The following CATSPERG variants were observed in gnomAD, a reference collection of about 807,000 sequenced individuals.
The protein encoded by CATSPERG is catsper channel auxiliary subunit gamma, also known as cation channel sperm-associated auxiliary subunit gamma.
Under a neutral mutation model 145.0 loss-of-function variants are expected in CATSPERG, and 115 were observed. The observed-to-expected ratio is 0.79, with a 90% confidence interval of 0.68 to 0.93. The LOEUF (loss-of-function observed/expected upper bound fraction) is 0.93. CATSPERG is among the 40% of genes least tolerant of loss of function. The pLI is 0.00. For missense variants in CATSPERG, 1,296 were observed against 1,490.1 expected (o/e 0.87, Z 2.14); for synonymous variants, 588 against 589.0 (o/e 1.00, Z 0.02).
At chr19:38,367,029 G>A (rs1600485846) in intron 22 of CATSPERG, 127 bp from the exon 23 acceptor site, 2 of 808,640 alleles carry the variant, frequency 2.5e-6, no homozygotes, top group East Asian at 2.7e-5. Flanking sequence ...TGCCCTTGGG[G>A]GTGAGGGAGA....
At chr19:38,362,002 C>CAGGGGGGGGG in intron 17 of CATSPERG, 141 bp downstream of exon 17, 4 of 186,496 alleles carry the variant, frequency 2.1e-5, no homozygotes, top group East Asian at 9.7e-5. Flanking sequence ...GACCTGGGGG[C>CAGGGGGGGGG]GGGGCCTGGC....
At chr19:38,367,035 G>A (rs1452785426) in intron 22 of CATSPERG, 121 bp from the exon 23 acceptor site, 2 of 887,806 alleles carry the variant, frequency 2.3e-6, no homozygotes, top group African/African-American at 3.4e-5. Context: ...TGGGGGTGAG[G>A]GAGAGCCAGG....
chr19:38,344,488 A>C, intron 6 of CATSPERG, 120 bp downstream of exon 6: 1 of 819,106 alleles, frequency 1.2e-6, no homozygotes, highest in Non-Finnish European at 2.1e-6. Context: ...CAGGCCCCAC[A>C]TGAAGATCCC....
At position 38,362,490 on chromosome 19, in the gene CATSPERG, A is replaced by C. The variant is rs957475385; in HGVS notation, c.2272A>C (p.Ile758Leu). 56 of 1,613,784 alleles carry C rather than the reference A, an allele frequency of 3.5e-5. No homozygotes were observed. Among genetic ancestry groups the C allele is most frequent in the Non-Finnish European group, 4.7e-5 (56 of 1,180,034 alleles). ...LESAYELPER[I>L]FLDKGTEYSF... Reference sequence around the variant, plus strand: ...GTCCGCGTACGAGCTGCCGGAGCGCATTTTCCTGGACAAGGGCACTGAGTA... The same window carrying C: ...GTCCGCGTACGAGCTGCCGGAGCGCCTTTTCCTGGACAAGGGCACTGAGTA... Residue 758 changes from isoleucine (I) to leucine (L), a missense_variant, in exon 19 of 29, where the codon ATT (isoleucine) becomes CTT (leucine). Coordinates refer to ENST00000409235, the MANE Select transcript of CATSPERG (RefSeq NM_021185.5).
At chr19:38,365,414 G>A (rs1358682709) in intron 22 of CATSPERG, 2 of 320,248 alleles carry the variant, frequency 6.2e-6, no homozygotes, top group Non-Finnish European at 1.2e-5. Context: ...GGGATTATAG[G>A]CGCCCGCCAC....
Position 38,346,739 on chromosome 19 carries a change from G to A in CATSPERG, c.825+134G>A, listed in dbSNP as rs1049672955. 4 of 804,402 alleles carry A rather than the reference G, an allele frequency of 5.0e-6. No individual in the cohort carries two copies. In the African/African-American group the frequency reaches 5.3e-5, roughly 11 times the overall value. 49.8% of individuals were successfully genotyped at this position (804,402 alleles called of 1,614,324 possible). A position where few individuals can be genotyped will look rare whatever the true frequency, so the allele number is the denominator to read the frequency against. On this transcript the variant is annotated intron_variant, in intron 7 of 28. Transcript: ENST00000409235. The stretch of plus-strand genomic sequence containing the variant: ...TGTCCCCATGAGAGGCAGATAGCAT[G>A]AAGAAAAAACACAAGATTCTACAGC...
intron 22 of CATSPERG, chr19:38,366,763 C>T (rs1970456973): frequency 1.2e-5 from 2 of 169,594 alleles, no homozygotes; most frequent in Non-Finnish European, 2.5e-5. Flanking sequence ...TGCAGTGGTG[C>T]AGTCTTGGCC....
intron 13 of CATSPERG, among the ~76,000 whole-genome samples, chr19:38,358,766 T>C (rs1970292749): frequency 6.6e-6 from 1 of 152,178 alleles, no homozygotes; most frequent in South Asian, 2.1e-4. Context: ...TTTAAAGCTG[T>C]GGGAGCCCTT....
At position 38,360,351 on chromosome 19, in the gene CATSPERG, G is replaced by A; in HGVS notation, c.1609-138G>A. On this transcript the variant is annotated intron_variant, in intron 14 of 28. Transcript: ENST00000409235. ...GGCACCACAGAGAAAAGGAAGGGGA[G>A]CGCCCTTGGTCCCAGTGGAGGTGAG... The A allele has an allele frequency of 2.1e-6, 3 of 1,448,918 alleles. No individual in the cohort carries two copies. In the South Asian group the frequency reaches 4.3e-5, roughly 21 times the overall value. The allele number at this position is 1,448,918 out of a possible 1,614,324, so 89.8% of individuals were successfully genotyped here.
intron 3 of CATSPERG, among the ~76,000 whole-genome samples, chr19:38,340,629 A>G (rs1600442670): frequency 6.8e-6 from 1 of 147,944 alleles, no homozygotes; most frequent in East Asian, 2.0e-4. Context: ...CAATAATTTT[A>G]TTTTTTTAGA....
At chr19:38,361,521 C>T (rs1310756148) in intron 16 of CATSPERG, 127 bp from the exon 17 acceptor site, 1 of 750,052 alleles carries the variant, frequency 1.3e-6, no homozygotes, top group Non-Finnish European at 2.2e-6. Flanking sequence ...CAGGGGCTGA[C>T]GCTGAGGAGG....
chr19:38,362,430 G>C lies in CATSPERG; in HGVS notation c.2212G>C (p.Glu738Gln). 3 of 1,614,096 alleles carry C rather than the reference G, an allele frequency of 1.9e-6. No homozygotes were observed. The highest frequency in any genetic ancestry group is 2.7e-5 in the African/African-American group (2 of 75,052). Residue 738 changes from glutamate to glutamine, a missense_variant, in exon 19 of 29, where the codon GAA becomes CAA. Physicochemically the swap from Glu to Gln is conservative, Grantham distance 29. Transcript: ENST00000409235. ...NWRSAGGVSI[E>Q]MDSYEKIYNL... Reference sequence around the variant, plus strand: ...GCGAAGCGCGGGCGGCGTGTCCATAGAAATGGACAGCTACGAAAAGATCTA... The same window carrying C: ...GCGAAGCGCGGGCGGCGTGTCCATACAAATGGACAGCTACGAAAAGATCTA...
chr19:38,345,200 TCTC>T (rs1390866133), intron 6 of CATSPERG, among the ~76,000 whole-genome samples: 2 of 151,048 alleles, frequency 1.3e-5, no homozygotes, highest in Non-Finnish European at 2.9e-5. Context: ...TTCAAGCAAT[TCTC>T]CTGCCTCAGC....
chr19:38,368,026 G>C, intron 25 of CATSPERG, 22 bp from the exon 26 acceptor site: 2 of 1,612,050 alleles, frequency 1.2e-6, no homozygotes, highest in Non-Finnish European at 1.7e-6. Flanking sequence ...ACCCCTGGCT[G>C]AGATGACCTG....
At chr19:38,354,681 G>C in intron 8 of CATSPERG, 29 bp from the exon 9 acceptor site, 1 of 1,611,260 alleles carries the variant, frequency 6.2e-7, no homozygotes, top group East Asian at 2.2e-5. Context: ...CAACCACCTG[G>C]GTCTGAGGCC....
chr19:38,351,731 A>C (rs192588938), intron 7 of CATSPERG, among the ~76,000 whole-genome samples: 47 of 151,778 alleles, frequency 3.1e-4, no homozygotes, highest in Admixed American at 1.4e-3. Flanking sequence ...ACATAGCGAG[A>C]CCTCACCTCT....
At chr19:38,360,161 AAG>A in intron 14 of CATSPERG, 1 of 985,320 alleles carries the variant, frequency 1.0e-6, no homozygotes, top group Non-Finnish European at 1.2e-6. Flanking sequence ...GTGAGAAGAA[AAG>A]AGGTCTCGGC....
chr19:38,361,537 T>G, intron 16 of CATSPERG, 111 bp from the exon 17 acceptor site: 1 of 845,990 alleles, frequency 1.2e-6, no homozygotes, highest in Non-Finnish European at 1.8e-6. Flanking sequence ...GGAGGAAGAT[T>G]CGGGCTGGAT....
At position 38,359,574 on chromosome 19, in the gene CATSPERG, C is replaced by T. The variant is rs201664540; in HGVS notation, c.1601C>T (p.Thr534Met). 2.9e-5 allele frequency: 46 copies of T among 1,612,256 alleles called. No homozygotes were observed. The highest frequency in any genetic ancestry group is 7.7e-5 in the South Asian group (7 of 91,008). The change falls in exon 14 of 29, where the codon ACG becomes ATG. Residue 534 changes from threonine to methionine, a missense_variant. By Grantham distance (81) the Thr-to-Met change is moderately conservative. Coordinates refer to ENST00000409235, the MANE Select transcript of CATSPERG (RefSeq NM_021185.5). ...GGGGCTGTGGCTATTGTCACAGAGA[C>T]GGAGGAGGTGGGCTGCCCCGCCCCT... The part of the protein sequence containing the change: ...FRGAVAIVTE[T>M]EEIWYLLEGS...
Sources: allele counts gnomAD v4.1 joint callset (sites outside exome capture counted in the v4.1 genomes callset), GRCh38; gene constraint gnomAD v4.1.1; transcripts MANE v1.5; gene names NCBI Gene and HGNC (gene_info 2026-07-23, HGNC 2026-07-21).